ZNF420: variants seen among roughly 807,000 people sequenced by gnomAD.
ZNF420 encodes ATM and p53-associated KZNF protein.
A neutral mutation model predicts 44.7 loss-of-function variants in ZNF420; 31 were observed. The observed-to-expected ratio is 0.69, with a 90% confidence interval of 0.52 to 0.94. The LOEUF (loss-of-function observed/expected upper bound fraction) is 0.94. ZNF420 is among the 40% of genes least tolerant of loss of function. The pLI is 0.00. For synonymous variants in ZNF420, 245 were observed against 267.4 expected, an observed-to-expected ratio of 0.92 and a Z score of 0.82; for missense variants, 681 against 827.9, an observed-to-expected ratio of 0.82 and a Z score of 2.18.
chr19:37,121,668 T>C (rs1971044969), intron 4 of ZNF420, among the ~76,000 whole-genome samples: 1 of 152,074 alleles, frequency 6.6e-6, no homozygotes, highest in South Asian at 2.1e-4. Flanking sequence ...CAAAAGAAAC[T>C]ACCATCAGAG....
chr19:37,035,280 T>C (rs1249046883), intron 1 of ZNF420, among the ~76,000 whole-genome samples: 2 of 152,232 alleles, frequency 1.3e-5, no homozygotes, highest in East Asian at 3.8e-4. Context: ...CTCCAACCAC[T>C]TTCAGTTTGG....
chr19:37,090,284 C>G (rs1269430069), intron 3 of ZNF420, among the ~76,000 whole-genome samples: 5 of 151,918 alleles, frequency 3.3e-5, no homozygotes, highest in Admixed American at 6.6e-5. Context: ...GCCTTAAGGC[C>G]AGGAATTCAA....
intron 4 of ZNF420, chr19:37,107,137 CTT>C (rs1568462559): frequency 2.6e-5 from 4 of 152,214 alleles, no homozygotes; most frequent in Non-Finnish European, 5.9e-5. Context: ...AGGCCTTCCT[CTT>C]TTACTAATCC....
intron 1 of ZNF420, among the ~76,000 whole-genome samples, chr19:37,012,764 CTCTGTGTGTGTGTG>C (rs1555743792): frequency 0.11 from 14,963 of 132,300 alleles, 1,121 homozygotes; most frequent in African/African-American, 0.23. Context: ...TGCTATATGT[CTCTGTGTGTGTGTG>C]TGTGTGTGTG....
chr19:37,116,455 T>A (rs1970692669), intron 4 of ZNF420, among the ~76,000 whole-genome samples: 1 of 152,044 alleles, frequency 6.6e-6, no homozygotes, highest in South Asian at 2.1e-4. Flanking sequence ...TTAAAACACT[T>A]TTTTTGGAAA....
At chr19:37,101,875 C>G (rs950818311) in intron 4 of ZNF420, among the ~76,000 whole-genome samples, 6 of 152,234 alleles carry the variant, frequency 3.9e-5, no homozygotes, top group African/African-American at 1.4e-4. Context: ...GGAGCTGAGA[C>G]TGGGCCCCCT....
intron 1 of ZNF420, among the ~76,000 whole-genome samples, chr19:37,008,820 C>G (rs2074547736): frequency 6.6e-6 from 1 of 152,182 alleles, no homozygotes; most frequent in Admixed American, 6.5e-5. Context: ...CTGAGGGGTG[C>G]AGATGCTTCT....
At chr19:37,076,619 TG>T (rs1351861754), upstream of ZNF420, among the ~76,000 whole-genome samples, 2 of 152,096 alleles carry the variant, frequency 1.3e-5, no homozygotes, top group Non-Finnish European at 2.9e-5. Context: ...TGAGAACATG[TG>T]GTGTTTGGTT....
intron 1 of ZNF420, among the ~76,000 whole-genome samples, chr19:37,025,460 C>T (rs150217050): frequency 5.2e-4 from 79 of 152,200 alleles, no homozygotes; most frequent in African/African-American, 1.9e-3. Context: ...CTACAAAGCA[C>T]AGACATTAAG....
intron 4 of ZNF420, among the ~76,000 whole-genome samples, chr19:37,100,222 T>C (rs1182013268): frequency 6.6e-6 from 1 of 152,238 alleles, no homozygotes; most frequent in East Asian, 1.9e-4. Context: ...CTTTTCCCAA[T>C]GTGTGTTCTT....
chr19:37,114,834 G>C (rs1970572766), intron 4 of ZNF420, among the ~76,000 whole-genome samples: 2 of 152,168 alleles, frequency 1.3e-5, no homozygotes, highest in Middle Eastern at 3.4e-3. Context: ...TACTGTAAGT[G>C]GGATGATTTT....
chr19:37,024,778 C>T (rs1189062544), intron 1 of ZNF420: 1 of 152,124 alleles, frequency 6.6e-6, no homozygotes, highest in Non-Finnish European at 1.5e-5. Context: ...GATGGGGTCT[C>T]ACTATGTTGC....
intron 4 of ZNF420, among the ~76,000 whole-genome samples, chr19:37,122,926 A>G (rs1313202605): frequency 1.3e-5 from 2 of 152,206 alleles, no homozygotes; most frequent in East Asian, 3.8e-4. Flanking sequence ...GTGTCTATTG[A>G]ACATCTTCAT....
intron 1 of ZNF420, among the ~76,000 whole-genome samples, chr19:37,008,512 CA>C (rs755264514): frequency 3.9e-5 from 6 of 152,172 alleles, no homozygotes; most frequent in Non-Finnish European, 8.8e-5. Flanking sequence ...ACACCTCAGC[CA>C]AGGACAAAAG....
chr19:37,061,788 T>G (rs1201523554), intron 1 of ZNF420, among the ~76,000 whole-genome samples: 1 of 152,192 alleles, frequency 6.6e-6, no homozygotes, highest in South Asian at 2.1e-4. Flanking sequence ...GGCATCCACA[T>G]ATCCCATATT....
At chr19:37,033,458 A>C (rs111984775) in intron 1 of ZNF420, among the ~76,000 whole-genome samples, 6 of 152,292 alleles carry the variant, frequency 3.9e-5, no homozygotes, top group Middle Eastern at 3.4e-3. Flanking sequence ...GGAATCATGC[A>C]GTATTAGTTT....
chr19:37,008,270 TCTCA>T (rs918030718), intron 1 of ZNF420, among the ~76,000 whole-genome samples: 19 of 152,030 alleles, frequency 1.2e-4, no homozygotes, highest in African/African-American at 4.6e-4. Context: ...TGTGTGTGTG[TCTCA>T]CTTTCTTCTC....
At chr19:37,047,364 GGACACAGTGCATCCCCTCCTGAA>G (rs1882891414) in intron 1 of ZNF420, among the ~76,000 whole-genome samples, 1 of 152,158 alleles carries the variant, frequency 6.6e-6, no homozygotes, top group South Asian at 2.1e-4. Flanking sequence ...TGCCATGTGA[GGACACAGTGCATCCCCTCCTGAA>G]GACACAGTGC....
chr19:37,020,986 C>T (rs759957148), intron 1 of ZNF420, among the ~76,000 whole-genome samples: 1 of 152,150 alleles, frequency 6.6e-6, no homozygotes, highest in Admixed American at 6.5e-5. Flanking sequence ...TATGAATGTC[C>T]TTAATAACTC....
Sources: allele counts gnomAD v4.1 joint callset (sites outside exome capture counted in the v4.1 genomes callset), GRCh38; gene constraint gnomAD v4.1.1; transcripts MANE v1.5; gene names NCBI Gene and HGNC (gene_info 2026-07-23, HGNC 2026-07-21).